Variants in SHANK2 observed in about 807,000 individuals in gnomAD.
SHANK2 encodes SH3 and multiple ankyrin repeat domains 2.
In SHANK2, 43 loss-of-function variants were observed where a neutral mutation model predicts 133.7. The ratio of observed to expected loss-of-function variants is 0.32; its 90% CI spans 0.25 to 0.41. The LOEUF is 0.41. SHANK2 is among the 10% of genes least tolerant of loss of function. The pLI, the probability that SHANK2 is intolerant of heterozygous loss-of-function variation, is 1.00. For synonymous variants in SHANK2, 1,017 were observed against 952.8 expected (o/e 1.07, Z -1.24); for missense variants, 1,994 against 2,235.8 (o/e 0.89, Z 2.18).
intron 11 of SHANK2, among the ~76,000 whole-genome samples, chr11:70,845,325 C>T (rs1159972332): frequency 6.6e-6 from 1 of 151,964 alleles, no homozygotes; most frequent in Non-Finnish European, 1.5e-5. Context: ...GAGGACTTTC[C>T]ACTGGAGTGG....
chr11:70,502,731 GCCCGCCCCCACCCC>G, intron 18 of SHANK2, 51 bp downstream of exon 18: 1 of 700,462 alleles, frequency 1.4e-6, no homozygotes, highest in Non-Finnish European at 2.1e-6. Flanking sequence ...CAGCTGTCCT[GCCCGCCCCCACCCC>G]CCCCCCCCAG....
At chr11:71,176,781 G>T (rs533632192) in intron 2 of SHANK2, among the ~76,000 whole-genome samples, 1 of 151,970 alleles carries the variant, frequency 6.6e-6, no homozygotes. Flanking sequence ...AAAAAAAGAG[G>T]GGGGAACAGA....
intron 17 of SHANK2, among the ~76,000 whole-genome samples, chr11:70,512,313 C>G (rs1159341931): frequency 6.6e-6 from 1 of 152,196 alleles, no homozygotes. Context: ...TTGAGAACCA[C>G]TAATTTGGCT....
At chr11:70,799,641 T>G (rs1217474917) in intron 13 of SHANK2, among the ~76,000 whole-genome samples, 1 of 152,034 alleles carries the variant, frequency 6.6e-6, no homozygotes, top group African/African-American at 2.4e-5. Context: ...TTCTGACTTG[T>G]GGTTGAAAGA....
At chr11:71,153,255 G>T (rs1952832725) in intron 2 of SHANK2, among the ~76,000 whole-genome samples, 1 of 145,770 alleles carries the variant, frequency 6.9e-6, no homozygotes, top group South Asian at 2.3e-4. Context: ...ACCACCCCGG[G>T]GCAACCGTTT....
rs557888194 is a variant in SHANK2, at chr11:70,794,713, T to C, written c.1777+3730A>G. 5.9e-5 allele frequency among the ~76,000 whole-genome samples: 9 copies of C among 152,152 alleles called. No individual in the cohort carries two copies. The East Asian group carries it at 1.7e-3, about 29-fold the overall frequency. On this transcript the variant is annotated intron_variant, in intron 14 of 25. Coordinates refer to ENST00000601538, the MANE Select transcript of SHANK2 (RefSeq NM_012309.5). ...GCTGGGATTACAGGCATCACCATCA[T>C]GCCCAGCTAATTTTTGTATTTTCAG...
chr11:70,855,257 A>G (rs1555066603), intron 11 of SHANK2, among the ~76,000 whole-genome samples: 1 of 152,248 alleles, frequency 6.6e-6, no homozygotes, highest in East Asian at 1.9e-4. Context: ...TTAGCAAGGT[A>G]TTCTAAGCCC....
chr11:70,624,950 T>C (rs496913), intron 17 of SHANK2, among the ~76,000 whole-genome samples: 69,690 of 151,984 alleles, frequency 0.46, 16,421 homozygotes, highest in Middle Eastern at 0.54. Flanking sequence ...ATGTACAGTT[T>C]GAGAGAACAG....
At chr11:70,482,883 G>A (rs1591483236) in intron 25 of SHANK2, among the ~76,000 whole-genome samples, 1 of 152,190 alleles carries the variant, frequency 6.6e-6, no homozygotes, top group Non-Finnish European at 1.5e-5. Context: ...CCCTAGAGAC[G>A]CTGCAAGTTG....
intron 10 of SHANK2, among the ~76,000 whole-genome samples, chr11:70,928,193 C>T (rs782028309): frequency 1.3e-5 from 2 of 152,192 alleles, no homozygotes; most frequent in African/African-American, 2.4e-5. Context: ...GGGAAAAGGG[C>T]ATTGTCGCCG....
rs536800 is a variant in SHANK2, at chr11:70,575,298, G to A, written c.2062-72367C>T. Reference sequence around the variant, plus strand: ...AGGCCAAGGTGGGCGGATCACCTGAGGTCAGGAGATTGAGACCAGCCTGGC... The same window carrying A: ...AGGCCAAGGTGGGCGGATCACCTGAAGTCAGGAGATTGAGACCAGCCTGGC... On this transcript the variant is annotated intron_variant, in intron 17 of 25. Transcript: ENST00000601538. Among the ~76,000 whole-genome samples the A allele has an allele frequency of 2.7e-4, 41 of 152,226 alleles. No individual in the cohort carries two copies. In the East Asian group the frequency reaches 3.7e-3, roughly 14 times the overall value.
chr11:70,827,260 CTTTTTT>C (rs34414800), intron 11 of SHANK2, among the ~76,000 whole-genome samples: 2 of 137,220 alleles, frequency 1.5e-5, no homozygotes, highest in African/African-American at 2.7e-5. Flanking sequence ...CCCCCTCCTA[CTTTTTT>C]TTTTTTTTTT....
At chr11:70,730,831 T>TC (rs1555031979) in intron 14 of SHANK2, among the ~76,000 whole-genome samples, 1 of 150,160 alleles carries the variant, frequency 6.7e-6, no homozygotes, top group East Asian at 1.9e-4. Context: ...TATTTCTTTT[T>TC]TTTTTTTTTT....
chr11:70,624,277 A>T (rs1554999015), intron 17 of SHANK2, among the ~76,000 whole-genome samples: 1 of 151,452 alleles, frequency 6.6e-6, no homozygotes, highest in Admixed American at 6.6e-5. Flanking sequence ...CTTGCATCCT[A>T]CCCCTCTCCC....
Position 70,548,616 on chromosome 11 carries a change from A to C in SHANK2, c.2062-45685T>G, listed in dbSNP as rs797034422. Among the ~76,000 whole-genome samples the C allele has an allele frequency of 7.2e-5, 11 of 152,268 alleles. No individual in the cohort carries two copies. The East Asian group carries it at 2.1e-3, about 29-fold the overall frequency. On this transcript the variant is annotated intron_variant, in intron 17 of 25. Coordinates refer to ENST00000601538, the MANE Select transcript of SHANK2 (RefSeq NM_012309.5). ...CTCCCCTAGGAGGCAGGTGTGGTCT[A>C]TGGGAGAGGCTGCCCTGCGCAAGTG... is the stretch of plus-strand genomic sequence containing the variant.
In SHANK2 at chr11:71,092,511, C is replaced by T. The variant is rs566666627; in HGVS notation, c.823G>A (p.Gly275Arg). The T allele has an allele frequency of 1.6e-4, 246 of 1,551,650 alleles. No homozygotes were observed. The highest frequency in any genetic ancestry group is 3.6e-5 in the South Asian group (3 of 84,044). Residue 275 changes from glycine (G) to arginine (R), a missense_variant, in exon 8 of 26, where the codon GGA (glycine) becomes AGA (arginine). Transcript: ENST00000601538. ...LTPLYHTAIV[G>R]GDPYCCELLL... Reference sequence around the variant, plus strand: ...AGCTCGCAGCAGTAGGGATCACCTCCGACGATGGCTGTGTGATACAGCGGG... The same window carrying T: ...AGCTCGCAGCAGTAGGGATCACCTCTGACGATGGCTGTGTGATACAGCGGG...
chr11:70,666,946 G>A (rs1440484073), intron 15 of SHANK2, among the ~76,000 whole-genome samples: 2 of 152,024 alleles, frequency 1.3e-5, no homozygotes, highest in Non-Finnish European at 2.9e-5. Flanking sequence ...TGCCCCAAAT[G>A]TACCCTCTTT....
At chr11:71,066,964 G>A (rs1408112394) in intron 9 of SHANK2, among the ~76,000 whole-genome samples, 1 of 152,194 alleles carries the variant, frequency 6.6e-6, no homozygotes, top group East Asian at 1.9e-4. Flanking sequence ...TTACAGGAAT[G>A]CATCCACAAG....
chr11:70,717,874 C>T lies in SHANK2; in HGVS notation c.1778-19111G>A, dbSNP rs374886792. Among the ~76,000 whole-genome samples the T allele has an allele frequency of 9.7e-4, 147 of 152,024 alleles. 1 individual carries two copies. Among genetic ancestry groups the T allele is most frequent in the African/African-American group, 3.5e-3 (145 of 41,472 alleles). On this transcript the variant is annotated intron_variant, in intron 14 of 25. Coordinates refer to ENST00000601538, the MANE Select transcript of SHANK2 (RefSeq NM_012309.5). ...TTGAAGAAGAAAAGAAAAAAAAAAT[C>T]AGATGAAGAAGAAAGATGGCTCCGG... is the stretch of plus-strand genomic sequence containing the variant.
Sources: allele counts gnomAD v4.1 joint callset (sites outside exome capture counted in the v4.1 genomes callset), GRCh38; gene constraint gnomAD v4.1.1; transcripts MANE v1.5; gene names NCBI Gene and HGNC (gene_info 2026-07-23, HGNC 2026-07-21).